PCDHGA9: variants seen among roughly 807,000 people sequenced by gnomAD.
PCDHGA9 encodes the protein protocadherin gamma subfamily A, 9.
A neutral mutation model predicts 62.5 loss-of-function variants in PCDHGA9; 37 were observed. The observed-to-expected ratio is 0.59, with a 90% CI of 0.46 to 0.78. PCDHGA9 has a LOEUF of 0.78. Ranked by LOEUF, PCDHGA9 falls within the 30% of genes least tolerant of loss-of-function variation. The probability of loss-of-function intolerance (pLI) is 0.00; values close to 1 mark genes in which losing one functional copy is unlikely to be tolerated. For missense variants in PCDHGA9, 1,138 were observed against 1,166.2 expected, an observed-to-expected ratio of 0.98 and a Z score of 0.35; for synonymous variants, 459 against 484.6, an observed-to-expected ratio of 0.95 and a Z score of 0.69.
At chr5:141,488,834 G>A (rs976460724) in intron 1 of PCDHGA9, among the ~76,000 whole-genome samples, 1 of 152,160 alleles carries the variant, frequency 6.6e-6, no homozygotes, top group Admixed American at 6.5e-5. Context: ...GCTGCCAAGG[G>A]GGCTGAATCA....
At chr5:141,421,474 G>A (rs1320526226) in intron 1 of PCDHGA9, 2 of 1,614,014 alleles carry the variant, frequency 1.2e-6, no homozygotes, top group Non-Finnish European at 1.7e-6. Flanking sequence ...TCCGCGAAGC[G>A]GCAGCTTGAT....
intron 1 of PCDHGA9, among the ~76,000 whole-genome samples, chr5:141,437,390 A>T (rs1422429346): frequency 6.6e-6 from 1 of 152,248 alleles, no homozygotes; most frequent in Non-Finnish European, 1.5e-5. Flanking sequence ...ACATTCATCC[A>T]CTGCTTTCAT....
intron 1 of PCDHGA9, among the ~76,000 whole-genome samples, chr5:141,443,210 G>A (rs142248407): frequency 3.2e-4 from 49 of 151,888 alleles, no homozygotes; most frequent in African/African-American, 9.4e-4. Context: ...AGCTTGTCTC[G>A]CCAGGCGCAT....
chr5:141,465,979 G>A (rs779605313), intron 1 of PCDHGA9, among the ~76,000 whole-genome samples: 9 of 151,846 alleles, frequency 5.9e-5, no homozygotes, highest in Non-Finnish European at 1.3e-4. Flanking sequence ...AAAATTAGCC[G>A]GGCATGGTGG....
intron 2 of PCDHGA9, among the ~76,000 whole-genome samples, chr5:141,495,521 C>G (rs1385879589): frequency 6.6e-6 from 1 of 152,144 alleles, no homozygotes; most frequent in Non-Finnish European, 1.5e-5. Flanking sequence ...TTTCTCTTAC[C>G]TCTCAGTCCT....
At chr5:141,418,489 G>C (rs774653264) in intron 1 of PCDHGA9, 26 of 1,613,874 alleles carry the variant, frequency 1.6e-5, no homozygotes, top group Admixed American at 1.5e-4. Context: ...CTCACCACTT[G>C]GTACTGACCG....
chr5:141,436,240 G>T (rs192988618), intron 1 of PCDHGA9, among the ~76,000 whole-genome samples: 1 of 152,082 alleles, frequency 6.6e-6, no homozygotes. Context: ...AGCTAACATG[G>T]TCTAATTATT....
intron 1 of PCDHGA9, among the ~76,000 whole-genome samples, chr5:141,407,155 TG>T (rs1451933301): frequency 1.3e-5 from 2 of 152,232 alleles, no homozygotes; most frequent in Non-Finnish European, 2.9e-5. Flanking sequence ...CTGAAGTGTC[TG>T]GGAATCCTTT....
intron 1 of PCDHGA9, chr5:141,408,220 G>T: frequency 6.4e-7 from 1 of 1,558,994 alleles, no homozygotes; most frequent in Admixed American, 1.9e-5. Flanking sequence ...GGAGCTGCGC[G>T]CAGAGGCGCC....
chr5:141,421,464 T>A lies in PCDHGA9; in HGVS notation c.2424+16088T>A, dbSNP rs773727821. ...GGAAGACACAGCTTTTCGCTGTGAA[T>A]CCGCGAAGCGGCAGCTTGATCACGG... On this transcript the variant is annotated intron_variant, in intron 1 of 3. Transcript: ENST00000573521. 17 of 1,613,972 alleles carry A rather than the reference T, an allele frequency of 1.1e-5. No individual in the cohort carries two copies. In the East Asian group the frequency reaches 3.6e-4, roughly 34 times the overall value.
At chr5:141,501,691 G>C (rs910322085) in intron 2 of PCDHGA9, among the ~76,000 whole-genome samples, 1 of 152,092 alleles carries the variant, frequency 6.6e-6, no homozygotes, top group Non-Finnish European at 1.5e-5. Context: ...CTTATCTGCA[G>C]GGTGATTCCG....
rs902072815 is a variant in PCDHGA9, at chr5:141,495,024, C to A, written c.2483+159C>A. On this transcript the variant is annotated intron_variant, in intron 2 of 3. Coordinates refer to ENST00000573521, the MANE Select transcript of PCDHGA9 (RefSeq NM_018921.3). ...GGTGTGCGGGGGGCTGGCACACAGACCCCGGAAGGAAGAGGCGACTGCCCT... is the reference window on the plus strand; with the variant it reads ...GGTGTGCGGGGGGCTGGCACACAGAACCCGGAAGGAAGAGGCGACTGCCCT... The A allele has an allele frequency of 1.6e-5, 16 of 973,368 alleles. No homozygotes were observed. In the South Asian group the frequency reaches 5.7e-4, roughly 35 times the overall value. The allele number at this position is 973,368 out of a possible 1,614,324, so 60.3% of individuals were successfully genotyped here. A position where few individuals can be genotyped will look rare whatever the true frequency, so the allele number is the denominator to read the frequency against.
rs35224477 is a variant in PCDHGA9, at chr5:141,464,263, TA to T, written c.2425-30530del. On this transcript the variant is annotated intron_variant, in intron 1 of 3. Coordinates refer to ENST00000573521, the MANE Select transcript of PCDHGA9 (RefSeq NM_018921.3). ...CTGGGCTACAGAGCGAGACTCCGTC[TA>T]AAAAAAAAAAAAAGCAAAAAAAAAA... Among the ~76,000 whole-genome samples, 390 of 103,506 alleles carry T rather than the reference TA, an allele frequency of 3.8e-3. 1 individual carries two copies. Among genetic ancestry groups the T allele is most frequent in the Admixed American group, 4.7e-3 (45 of 9,486 alleles). 67.9% of individuals were successfully genotyped at this position (103,506 alleles called of 152,430 possible). A position where few individuals can be genotyped will look rare whatever the true frequency, so the allele number is the denominator to read the frequency against.
intron 1 of PCDHGA9, chr5:141,415,759 T>TTG (rs2095938229): frequency 3.7e-6 from 5 of 1,352,054 alleles, no homozygotes; most frequent in Non-Finnish European, 4.8e-6. Flanking sequence ...TTTTTTTTTT[T>TTG]TTTTTTTTTT....
chr5:141,417,824 G>A (rs2096165363), intron 1 of PCDHGA9: 4 of 1,518,120 alleles, frequency 2.6e-6, no homozygotes, highest in Non-Finnish European at 3.5e-6. Context: ...TTCTCCAACT[G>A]GAAAAGCGGG....
chr5:141,485,503 C>T lies in PCDHGA9; in HGVS notation c.2425-9304C>T, dbSNP rs1057374827. The T allele has an allele frequency of 5.0e-6, 8 of 1,614,096 alleles. No homozygotes were observed. The highest frequency in any genetic ancestry group is 6.8e-6 in the Non-Finnish European group (8 of 1,180,008). On this transcript the variant is annotated intron_variant, in intron 1 of 3. Coordinates refer to ENST00000573521, the MANE Select transcript of PCDHGA9 (RefSeq NM_018921.3). This position sits in a 1 kb window ranked among gnomAD's most constrained non-coding sequence, Gnocchi z 5.7. ...GCATCGTGCCCCTGGAGTTTGTCAC[C>T]GAAGGTCCTTTGGAAATGTACCGAG...
Position 141,491,190 on chromosome 5 carries a change from C to A in PCDHGA9, c.2425-3617C>A, listed in dbSNP as rs759736855. On this transcript the variant is annotated intron_variant, in intron 1 of 3. Transcript: ENST00000573521. The surrounding 1 kb of genome is among the most constrained non-coding windows in gnomAD (Gnocchi z 6.9). ...AGCAGGTGGTGGTCCTGGTGAGGGA[C>A]AATGGTGACCCTTCACTCTCCTCCA... 1 of 1,614,192 alleles carries A rather than the reference C, an allele frequency of 6.2e-7. No homozygotes were observed. The highest frequency in any genetic ancestry group is 1.1e-5 in the South Asian group (1 of 91,082).
intron 1 of PCDHGA9, chr5:141,415,030 G>A (rs374572942): frequency 1.2e-6 from 2 of 1,613,460 alleles, no homozygotes; most frequent in African/African-American, 2.7e-5. Flanking sequence ...CAGCGAGCCG[G>A]GACTCTTCGC....
At chr5:141,415,641 T>TA (rs113784532) in intron 1 of PCDHGA9, 91,654 of 1,192,004 alleles carry the variant, frequency 0.077, 689 homozygotes, top group South Asian at 0.099. Context: ...TTACTTTTGT[T>TA]AAAAAAAAAA....
Sources: gnomAD v4.1 joint callset for allele counts (sites outside exome capture counted in the v4.1 genomes callset) on GRCh38, gnomAD v4.1.1 for gene constraint, Gnocchi (gnomAD v3.1) non-coding constraint, MANE v1.5 for transcripts, NCBI Gene and HGNC (gene_info 2026-07-23, HGNC 2026-07-21) for gene names.